Variants in BTBD7 observed in about 807,000 individuals in gnomAD.
BTBD7 encodes the protein BTB/POZ domain-containing protein 7.
BTBD7 carries 38 observed loss-of-function variants against 99.9 expected under a neutral mutation model. The ratio of observed to expected loss-of-function variants is 0.38; its 90% confidence interval spans 0.29 to 0.50. BTBD7 has a LOEUF of 0.50. Among genes scored for constraint, BTBD7 ranks in the 20% least tolerant of loss-of-function variants. BTBD7 has a pLI of 0.93. For synonymous variants in BTBD7, 520 were observed against 511.4 expected (o/e 1.02, Z -0.23); for missense variants, 1,170 against 1,394.6 (o/e 0.84, Z 2.57).
chr14:93,319,048 A>C (rs1190078736), intron 1 of BTBD7, among the ~76,000 whole-genome samples: 1 of 152,190 alleles, frequency 6.6e-6, no homozygotes, highest in Non-Finnish European at 1.5e-5. Context: ...GTTACAAAAA[A>C]ACAGAAAAAT....
chr14:93,296,383 A>C (rs191247520), intron 1 of BTBD7, among the ~76,000 whole-genome samples: 10 of 152,346 alleles, frequency 6.6e-5, no homozygotes, highest in African/African-American at 2.4e-4. Context: ...AGTCAGTAAA[A>C]AGTAACATAT....
At chr14:93,247,450 C>T (rs904148384) in intron 9 of BTBD7, among the ~76,000 whole-genome samples, 4 of 152,264 alleles carry the variant, frequency 2.6e-5, no homozygotes, top group Non-Finnish European at 4.4e-5. Context: ...CAGGTTCAAG[C>T]GATTCTCTTG....
rs571552651 is a variant in BTBD7 at position 93,240,275 on chromosome 14, G to A, written c.*1998C>T. On this transcript the variant is annotated 3_prime_UTR_variant, in exon 11 of 11. Coordinates refer to ENST00000334746, the MANE Select transcript of BTBD7 (RefSeq NM_001002860.4). Reference sequence around the variant, plus strand: ...GCAGAACGAGTGGCGGCAGTTTGCCGGGGCGTGCAGACACACGACATGTTT... The same window carrying A: ...GCAGAACGAGTGGCGGCAGTTTGCCAGGGCGTGCAGACACACGACATGTTT... 1.8e-4 allele frequency: 27 copies of A among 152,774 alleles called. No individual in the cohort carries two copies. The highest frequency in any genetic ancestry group is 5.5e-4 in the African/African-American group (23 of 41,558). 9.5% of individuals were successfully genotyped at this position (152,774 alleles called of 1,614,324 possible).
Position 93,242,594 on chromosome 14 carries a change from G to A in BTBD7, c.3078C>T (p.His1026=). The A allele has an allele frequency of 6.2e-7, 1 of 1,614,216 alleles. No individual in the cohort carries two copies. The highest frequency in any genetic ancestry group is 8.5e-7 in the Non-Finnish European group (1 of 1,180,048). ...GGGGAGGTTGCTCAACGACATCCAG[G>A]TGTATCGGCTCATTCTTTTGTCTGT... The part of the protein sequence containing the change: ...HLHRQKNEPI[H]LDVVEQPPQR... The change falls in exon 11 of 11, where the codon CAC becomes CAT. Residue 1026 remains histidine, a synonymous_variant. Coordinates refer to ENST00000334746, the MANE Select transcript of BTBD7 (RefSeq NM_001002860.4).
chr14:93,296,195 A>T, intron 1 of BTBD7, 38 bp from the exon 2 acceptor site: 1 of 1,274,898 alleles, frequency 7.8e-7, no homozygotes. Context: ...TCATTTTTTC[A>T]AGTGTATCTC....
intron 3 of BTBD7, among the ~76,000 whole-genome samples, chr14:93,286,559 T>A (rs374735309): frequency 6.6e-6 from 1 of 152,208 alleles, no homozygotes; most frequent in East Asian, 1.9e-4. Flanking sequence ...GATGTTTCAA[T>A]CACTATAGTT....
intron 1 of BTBD7, among the ~76,000 whole-genome samples, chr14:93,298,760 T>C (rs1342305834): frequency 6.6e-6 from 1 of 152,186 alleles, no homozygotes; most frequent in Non-Finnish European, 1.5e-5. Context: ...AGCTCTATTT[T>C]ACGATGAGCA....
At chr14:93,296,305 C>T in intron 1 of BTBD7, 148 bp from the exon 2 acceptor site, 1 of 534,352 alleles carries the variant, frequency 1.9e-6, no homozygotes, top group Non-Finnish European at 2.8e-6. Flanking sequence ...AAATGTAAAT[C>T]TTTAAGCTTG....
intron 7 of BTBD7, 33 bp from the exon 8 acceptor site, chr14:93,251,685 T>G: frequency 6.8e-7 from 1 of 1,471,460 alleles, no homozygotes; most frequent in Admixed American, 1.9e-5. Flanking sequence ...ACAAAACCAG[T>G]CAACCTTCCT....
At chr14:93,289,479 C>T (rs1259475370) in intron 3 of BTBD7, among the ~76,000 whole-genome samples, 3 of 152,304 alleles carry the variant, frequency 2.0e-5, no homozygotes, top group Middle Eastern at 3.4e-3. Context: ...TCCTCAGTAG[C>T]CCCCTTTACA....
chr14:93,242,234 T>A lies in BTBD7; in HGVS notation c.*39A>T. On this transcript the variant is annotated 3_prime_UTR_variant, in exon 11 of 11. Coordinates refer to ENST00000334746, the MANE Select transcript of BTBD7 (RefSeq NM_001002860.4). ...TGTTGGGTTACATCATAAAATGGGATGTTTCACATCTCAGGCACAGACGAC... is the reference window on the plus strand; with the variant it reads ...TGTTGGGTTACATCATAAAATGGGAAGTTTCACATCTCAGGCACAGACGAC... 6.4e-7 allele frequency: 1 copy of A among 1,566,486 alleles called. No homozygotes were observed. The highest frequency in any genetic ancestry group is 2.3e-5 in the East Asian group (1 of 44,442).
At chr14:93,281,240 G>C (rs965180985) in intron 3 of BTBD7, among the ~76,000 whole-genome samples, 2 of 150,436 alleles carry the variant, frequency 1.3e-5, no homozygotes, top group African/African-American at 4.9e-5. Context: ...GGACTCAAGC[G>C]ATCTGCCTGC....
intron 3 of BTBD7, among the ~76,000 whole-genome samples, chr14:93,272,800 C>T (rs937387432): frequency 6.6e-6 from 1 of 152,056 alleles, no homozygotes; most frequent in Non-Finnish European, 1.5e-5. Context: ...GATGCTGTGA[C>T]TCTGAGAGCT....
At chr14:93,298,714 G>A (rs1319990087) in intron 1 of BTBD7, among the ~76,000 whole-genome samples, 1 of 151,940 alleles carries the variant, frequency 6.6e-6, no homozygotes, top group African/African-American at 2.4e-5. Flanking sequence ...TCTGGTAAGG[G>A]AAGAACACCA....
intron 4 of BTBD7, among the ~76,000 whole-genome samples, chr14:93,263,060 AG>A (rs2139705454): frequency 6.6e-6 from 1 of 152,350 alleles, no homozygotes; most frequent in Admixed American, 6.5e-5. Context: ...TTATTTTTCT[AG>A]TACAAATACA....
chr14:93,254,395 A>T (rs1333139803), intron 6 of BTBD7, among the ~76,000 whole-genome samples: 1 of 151,976 alleles, frequency 6.6e-6, no homozygotes, highest in Non-Finnish European at 1.5e-5. Context: ...ATGAAAACCA[A>T]TTTTTTTTCT....
chr14:93,278,849 C>CT (rs2052686362), intron 3 of BTBD7, among the ~76,000 whole-genome samples: 1 of 152,148 alleles, frequency 6.6e-6, no homozygotes, highest in Middle Eastern at 3.2e-3. Flanking sequence ...AATCCCAGCA[C>CT]TTAGGTGAAT....
At chr14:93,287,185 G>A (rs1294290756) in intron 3 of BTBD7, among the ~76,000 whole-genome samples, 4 of 150,008 alleles carry the variant, frequency 2.7e-5, no homozygotes, top group Admixed American at 2.0e-4. Flanking sequence ...GCCAAGATTG[G>A]GCCATTGCAC....
At chr14:93,305,764 G>A (rs1359892811) in intron 1 of BTBD7, among the ~76,000 whole-genome samples, 10 of 152,152 alleles carry the variant, frequency 6.6e-5, no homozygotes, top group Non-Finnish European at 4.4e-5. Context: ...ATCATAGACT[G>A]GGTAATATAT....
Sources: allele counts gnomAD v4.1 joint callset (sites outside exome capture counted in the v4.1 genomes callset), GRCh38; gene constraint gnomAD v4.1.1; transcripts MANE v1.5; gene names NCBI Gene and HGNC (gene_info 2026-07-23, HGNC 2026-07-21).